Variants in PCDHGB3 observed in about 807,000 individuals in gnomAD.
PCDHGB3 encodes protocadherin gamma-B3.
In PCDHGB3, 40 loss-of-function variants were observed where a neutral mutation model predicts 59.2. That is an observed-to-expected ratio of 0.68 (90% CI 0.52 to 0.88). PCDHGB3 has a LOEUF of 0.88. PCDHGB3 is among the 40% of genes least tolerant of loss of function. The pLI is 0.00. For missense variants in PCDHGB3, 1,309 were observed against 1,187.9 expected (o/e 1.10, Z -1.50); for synonymous variants, 581 against 503.6 (o/e 1.15, Z -2.06).
Position 141,491,713 on chromosome 5 carries a change from G to A in PCDHGB3, c.2416-3094G>A. On this transcript the variant is annotated intron_variant, in intron 1 of 3. Transcript: ENST00000576222. This position sits in a 1 kb window ranked among gnomAD's most constrained non-coding sequence, Gnocchi z 6.9. ...GGAGCGGAGCCAGGTGAGGGGCTCG[G>A]CGCCGCCCCGGGCGACCCCTGGGGG... The A allele has an allele frequency of 1.9e-6, 3 of 1,609,174 alleles. No individual in the cohort carries two copies. Among genetic ancestry groups the A allele is most frequent in the Non-Finnish European group, 2.5e-6 (3 of 1,178,054 alleles).
rs1399844519 is a variant in PCDHGB3 at position 141,477,484 on chromosome 5, A to G, written c.2416-17323A>G. 1.2e-6 allele frequency: 2 copies of G among 1,614,014 alleles called. No homozygotes were observed. The highest frequency in any genetic ancestry group is 1.7e-6 in the Non-Finnish European group (2 of 1,180,006). ...CCGACATCAATGACAACCCTCCACAATCTTCTCAATCTTCCTACGACGTTT... is the reference window on the plus strand; with the variant it reads ...CCGACATCAATGACAACCCTCCACAGTCTTCTCAATCTTCCTACGACGTTT... On this transcript the variant is annotated intron_variant, in intron 1 of 3. Coordinates refer to ENST00000576222, the MANE Select transcript of PCDHGB3 (RefSeq NM_018924.5). This position sits in a 1 kb window ranked among gnomAD's most constrained non-coding sequence, Gnocchi z 4.9.
rs1444909580 is a variant in PCDHGB3 at position 141,370,736 on chromosome 5, A to C, written c.342A>C (p.Leu114Phe). ...TTGAAATGGTTGCTGAAAAGCCTTT[A>C]AACTTTTTTCATGTAACTGTGCTGA... ...LEFEMVAEKP[L>F]NFFHVTVLIQ... is the part of the protein sequence containing the mutation. The change falls in exon 1 of 4, where the codon TTA (leucine) becomes TTC (phenylalanine). Residue 114 changes from leucine (L) to phenylalanine (F), a missense_variant. By Grantham distance (22) the Leu-to-Phe change is conservative. Transcript: ENST00000576222. The C allele has an allele frequency of 6.2e-7, 1 of 1,613,780 alleles. No homozygotes were observed. The highest frequency in any genetic ancestry group is 8.5e-7 in the Non-Finnish European group (1 of 1,179,908).
At chr5:141,410,849 C>CTTTTTTTTTTTTTTTTTTTCTT (rs2095436178) in intron 1 of PCDHGB3, 1 of 129,786 alleles carries the variant, frequency 7.7e-6, no homozygotes, top group Non-Finnish European at 1.3e-5. Context: ...TTGTCTTTGT[C>CTTTTTTTTTTTTTTTTTTTCTT]TTTTTTTTTT....
chr5:141,402,867 C>A (rs996572604), intron 1 of PCDHGB3: 7 of 1,443,390 alleles, frequency 4.8e-6, no homozygotes, highest in Non-Finnish European at 6.4e-6. Context: ...AGGAAAAGAT[C>A]ACCATACTTT....
rs576044355 is a variant in PCDHGB3 at position 141,375,342 on chromosome 5, T to A, written c.2415+2533T>A. 97 of 1,613,798 alleles carry A rather than the reference T, an allele frequency of 6.0e-5. 3 individuals are homozygous for A. In the South Asian group the frequency reaches 9.8e-4, roughly 16 times the overall value. On this transcript the variant is annotated intron_variant, in intron 1 of 3. Transcript: ENST00000576222. Reference sequence around the variant, plus strand: ...CGGGAAGAGGTATTCTTGTACAACATCACTGTGACAGCCACGGACAAAGGA... The same window carrying A: ...CGGGAAGAGGTATTCTTGTACAACAACACTGTGACAGCCACGGACAAAGGA...
intron 1 of PCDHGB3, chr5:141,374,378 A>C: frequency 6.2e-7 from 1 of 1,614,038 alleles, no homozygotes; most frequent in Non-Finnish European, 8.5e-7. Context: ...CTGTGCTCAG[A>C]GCCCGCGGTG....
chr5:141,474,170 T>G (rs535586079), intron 1 of PCDHGB3, among the ~76,000 whole-genome samples: 1 of 152,346 alleles, frequency 6.6e-6, no homozygotes, highest in South Asian at 2.1e-4. Flanking sequence ...GCCTTATTAT[T>G]GAGAAAACTA....
At chr5:141,481,795 T>C (rs2154579318) in intron 1 of PCDHGB3, among the ~76,000 whole-genome samples, 1 of 150,244 alleles carries the variant, frequency 6.7e-6, no homozygotes, top group South Asian at 2.1e-4. Context: ...CTACTAAAAA[T>C]ACAAAAATTC....
At chr5:141,379,876 T>C (rs1775908667) in intron 1 of PCDHGB3, among the ~76,000 whole-genome samples, 1 of 146,348 alleles carries the variant, frequency 6.8e-6, no homozygotes, top group African/African-American at 2.5e-5. Flanking sequence ...TATTTTATGG[T>C]CTGTGAAAGC....
chr5:141,408,568 G>A (rs1282391205), intron 1 of PCDHGB3: 2 of 1,613,936 alleles, frequency 1.2e-6, no homozygotes, highest in African/African-American at 2.7e-5. Flanking sequence ...TCATTGTGGT[G>A]ATTGAGGATG....
chr5:141,402,915 C>G (rs1232523303), intron 1 of PCDHGB3: 2 of 1,564,688 alleles, frequency 1.3e-6, no homozygotes, highest in Admixed American at 1.9e-5. Flanking sequence ...GCAGCGCGCA[C>G]AGAGATCCTT....
At chr5:141,508,824 G>T (rs893436748) in intron 3 of PCDHGB3, among the ~76,000 whole-genome samples, 1 of 151,952 alleles carries the variant, frequency 6.6e-6, no homozygotes, top group Non-Finnish European at 1.5e-5. Context: ...CCAGATCTGG[G>T]CCCCCCTCCC....
Position 141,432,390 on chromosome 5 carries a change from G to A in PCDHGB3, c.2415+59581G>A. The A allele has an allele frequency of 6.2e-7, 1 of 1,614,256 alleles. No homozygotes were observed. The highest frequency in any genetic ancestry group is 8.5e-7 in the Non-Finnish European group (1 of 1,180,046). On this transcript the variant is annotated intron_variant, in intron 1 of 3. Transcript: ENST00000576222. This position sits in a 1 kb window ranked among gnomAD's most constrained non-coding sequence, Gnocchi z 6.0. ...GACAACGGGCACCCGCCCCTCAGCA[G>A]CAACGTGTCGTTGAGCCTGTTCGTG... is the stretch of plus-strand genomic sequence containing the variant.
chr5:141,430,661 GCT>G, intron 1 of PCDHGB3: 1 of 1,159,744 alleles, frequency 8.6e-7, no homozygotes, highest in South Asian at 2.1e-5. Flanking sequence ...CAACGGAGGA[GCT>G]CTGACTTCCC....
chr5:141,384,714 A>G (rs750526941), intron 1 of PCDHGB3: 8 of 1,614,076 alleles, frequency 5.0e-6, no homozygotes, highest in African/African-American at 1.3e-5. Context: ...CCTGGCTGTC[A>G]TACCTCCTGC....
At chr5:141,419,663 G>T (rs1459319505) in intron 1 of PCDHGB3, 1 of 1,612,710 alleles carries the variant, frequency 6.2e-7, no homozygotes, top group Non-Finnish European at 8.5e-7. Flanking sequence ...GGGGCACAAT[G>T]CCTGGCTGTC....
chr5:141,394,567 G>A, intron 1 of PCDHGB3: 1 of 1,614,040 alleles, frequency 6.2e-7, no homozygotes, highest in Non-Finnish European at 8.5e-7. Flanking sequence ...GCAGAGCGTG[G>A]CTACCTGGTG....
At chr5:141,380,410 C>T (rs1776475585) in intron 1 of PCDHGB3, among the ~76,000 whole-genome samples, 1 of 151,998 alleles carries the variant, frequency 6.6e-6, no homozygotes, top group Non-Finnish European at 1.5e-5. Flanking sequence ...AATTCGATGC[C>T]CAGGAAGCCA....
Position 141,511,348 on chromosome 5 carries a change from C to T in PCDHGB3, c.*175C>T. Reference sequence around the variant, plus strand: ...TGCCCAGTCAGCACCTACCCCTTCCCCCCCAGGGGGTTGAATATGCAAAAG... The same window carrying T: ...TGCCCAGTCAGCACCTACCCCTTCCTCCCCAGGGGGTTGAATATGCAAAAG... On this transcript the variant is annotated 3_prime_UTR_variant, in exon 4 of 4. Transcript: ENST00000576222. The T allele has an allele frequency of 7.1e-7, 1 of 1,404,104 alleles. No homozygotes were observed. The highest frequency in any genetic ancestry group is 9.5e-7 in the Non-Finnish European group (1 of 1,056,554). 87.0% of individuals were successfully genotyped at this position (1,404,104 alleles called of 1,614,324 possible). A position where few individuals can be genotyped will look rare whatever the true frequency, so the allele number is the denominator to read the frequency against.
Sources: allele counts gnomAD v4.1 joint callset (sites outside exome capture counted in the v4.1 genomes callset), GRCh38; gene constraint gnomAD v4.1.1; non-coding constraint Gnocchi (gnomAD v3.1); transcripts MANE v1.5; gene names NCBI Gene and HGNC (gene_info 2026-07-23, HGNC 2026-07-21).